Variants in PATL2 observed in about 807,000 individuals in gnomAD.
The protein encoded by PATL2 is PAT1 homolog 2.
Under a neutral mutation model 77.0 loss-of-function variants are expected in PATL2, and 73 were observed. That is an observed-to-expected ratio of 0.95 (90% CI 0.78 to 1.15). The LOEUF is 1.15. PATL2 is among the 50% of genes most tolerant of loss of function. PATL2 has a pLI of 0.00. For synonymous variants in PATL2, 265 were observed against 257.1 expected (o/e 1.03, Z -0.29); for missense variants, 618 against 655.4 (o/e 0.94, Z 0.62).
chr15:44,669,922 C>A lies in PATL2; in HGVS notation c.778+45G>T, dbSNP rs1321033603. On this transcript the variant is annotated intron_variant, in intron 10 of 17. Transcript: ENST00000682850. ...TTCCTTCCCCCTCCCACACTCTGTC[C>A]ACCCAGATGCCCAGCCCAAGTCAGC... The A allele has an allele frequency of 1.9e-6, 3 of 1,550,240 alleles. No homozygotes were observed. The African/African-American group carries it at 4.1e-5, about 21-fold the overall frequency.
At chr15:44,666,963 C>T in intron 16 of PATL2, 143 bp downstream of exon 16, 2 of 672,678 alleles carry the variant, frequency 3.0e-6, no homozygotes, top group Non-Finnish European at 2.5e-6. Context: ...AGAAAAAAAG[C>T]AGAACAGCTA....
chr15:44,694,394 AATG>A (rs2086459627), intron 3 of PATL2, among the ~76,000 whole-genome samples: 1 of 152,234 alleles, frequency 6.6e-6, no homozygotes, highest in Admixed American at 6.5e-5. Flanking sequence ...CAATAATAGT[AATG>A]ATGATAAGAA....
chr15:44,684,375 G>T (rs1331101927), intron 3 of PATL2, among the ~76,000 whole-genome samples: 1 of 151,536 alleles, frequency 6.6e-6, no homozygotes, highest in African/African-American at 2.4e-5. Context: ...TTGCTAACTA[G>T]AATAACTAGT....
intron 3 of PATL2, among the ~76,000 whole-genome samples, chr15:44,692,664 G>C (rs191888707): frequency 5.9e-5 from 9 of 152,376 alleles, no homozygotes; most frequent in African/African-American, 2.2e-4. Flanking sequence ...AGATGGATAG[G>C]TTGGGGCCAG....
Position 44,666,676 on chromosome 15 carries a change from G to A in PATL2, c.1464-135C>T, listed in dbSNP as rs2085388295. 8.9e-6 allele frequency: 8 copies of A among 901,218 alleles called. No individual in the cohort carries two copies. The South Asian group carries it at 1.5e-4, about 17-fold the overall frequency. The allele number at this position is 901,218 out of a possible 1,614,324, so 55.8% of individuals were successfully genotyped here. A position where few individuals can be genotyped will look rare whatever the true frequency, so the allele number is the denominator to read the frequency against. ...AGGTAGCAATTCAGAGGTAACATTT[G>A]CATGTTTGGTACGTGCCAAGCAATG... On this transcript the variant is annotated intron_variant, in intron 16 of 17. Coordinates refer to ENST00000682850, the MANE Select transcript of PATL2 (RefSeq NM_001387263.1).
At chr15:44,682,865 G>A (rs2086164675) in intron 3 of PATL2, among the ~76,000 whole-genome samples, 1 of 152,222 alleles carries the variant, frequency 6.6e-6, no homozygotes, top group Non-Finnish European at 1.5e-5. Flanking sequence ...GAAAGTGGGT[G>A]ATTTCTGCAT....
At chr15:44,668,904 T>C in intron 14 of PATL2, 76 bp downstream of exon 14, 3 of 1,426,548 alleles carry the variant, frequency 2.1e-6, no homozygotes, top group East Asian at 2.5e-5. Context: ...CTCTGGGGCA[T>C]GTGGGGACTG....
intron 3 of PATL2, among the ~76,000 whole-genome samples, chr15:44,706,168 C>T (rs370597266): frequency 1.3e-5 from 2 of 152,240 alleles, no homozygotes; most frequent in Admixed American, 6.5e-5. Context: ...GCCTCTGGTG[C>T]CTTATTCATT....
chr15:44,702,606 C>A (rs2086652760), intron 3 of PATL2, among the ~76,000 whole-genome samples: 1 of 151,402 alleles, frequency 6.6e-6, no homozygotes, highest in African/African-American at 2.4e-5. Flanking sequence ...TTCTGTTTTT[C>A]TTTTTTAATG....
At chr15:44,703,589 T>A (rs1166044625) in intron 3 of PATL2, among the ~76,000 whole-genome samples, 1 of 152,052 alleles carries the variant, frequency 6.6e-6, no homozygotes, top group Non-Finnish European at 1.5e-5. Context: ...TTTTGTCTGA[T>A]GTAAGCATAG....
intron 3 of PATL2, among the ~76,000 whole-genome samples, chr15:44,687,442 C>G (rs1034297286): frequency 5.9e-5 from 9 of 152,138 alleles, no homozygotes; most frequent in African/African-American, 2.2e-4. Context: ...AAACACACAG[C>G]CAATATCATA....
In PATL2 at chr15:44,668,966, C is replaced by T; in HGVS notation, c.1224+14G>A. 1 of 1,521,660 alleles carries T rather than the reference C, an allele frequency of 6.6e-7. No homozygotes were observed. The highest frequency in any genetic ancestry group is 8.9e-7 in the Non-Finnish European group (1 of 1,129,352). The allele number at this position is 1,521,660 out of a possible 1,614,324, so 94.3% of individuals were successfully genotyped here. A position where few individuals can be genotyped will look rare whatever the true frequency, so the allele number is the denominator to read the frequency against. ...TCAGGAGACCATCCTCTTCTCCACT[C>T]AATGCCACAGTACCTGATCAGCCAC... On this transcript the variant is annotated intron_variant, in intron 14 of 17. Coordinates refer to ENST00000682850, the MANE Select transcript of PATL2 (RefSeq NM_001387263.1).
At chr15:44,696,325 C>A (rs558790295) in intron 3 of PATL2, among the ~76,000 whole-genome samples, 45 of 152,302 alleles carry the variant, frequency 3.0e-4, no homozygotes, top group Non-Finnish European at 2.6e-4. Context: ...TTACCTAATC[C>A]ATTTCTGCAT....
At chr15:44,705,411 A>G (rs1027065852) in intron 3 of PATL2, among the ~76,000 whole-genome samples, 4 of 152,052 alleles carry the variant, frequency 2.6e-5, no homozygotes, top group African/African-American at 9.7e-5. Context: ...CGAACTCCTG[A>G]CCTCATGATC....
At chr15:44,680,915 A>G (rs1213721750) in intron 3 of PATL2, among the ~76,000 whole-genome samples, 5 of 152,184 alleles carry the variant, frequency 3.3e-5, no homozygotes, top group Non-Finnish European at 7.4e-5. Context: ...CCCTACCCTT[A>G]CTTCCACCTA....
intron 5 of PATL2, 86 bp from the exon 6 acceptor site, chr15:44,674,316 G>A (rs2085843024): frequency 2.0e-6 from 2 of 1,021,910 alleles, no homozygotes; most frequent in African/African-American, 1.6e-5. Flanking sequence ...GTGGTGGGAG[G>A]AAGCAGCAAG....
chr15:44,689,598 A>ATGGTTTTCTGTTCTGTTT (rs558309028), intron 3 of PATL2, among the ~76,000 whole-genome samples: 1,862 of 152,244 alleles, frequency 0.012, 51 homozygotes, highest in East Asian at 0.088. Context: ...ATTCTCAGCA[A>ATGGTTTTCTGTTCTGTTT]ACTAACACAA....
intron 3 of PATL2, chr15:44,697,500 C>A (rs1257918045): frequency 1.3e-5 from 2 of 152,126 alleles, no homozygotes; most frequent in Non-Finnish European, 2.9e-5. Context: ...CTTTTATAAA[C>A]AGAAAAAAGT....
Position 44,678,311 on chromosome 15 carries a change from G to T in PATL2, c.-75-1746C>A, listed in dbSNP as rs535952623. The stretch of plus-strand genomic sequence containing the variant: ...GAGACTAGATCTTAAGGAGAAACTT[G>T]TTGCATGAAGATTTTCATTCTGAAG... On this transcript the variant is annotated intron_variant, in intron 3 of 17. Coordinates refer to ENST00000682850, the MANE Select transcript of PATL2 (RefSeq NM_001387263.1). Among the ~76,000 whole-genome samples, 589 of 152,316 alleles carry T rather than the reference G, an allele frequency of 3.9e-3. 5 individuals carry two copies. Among genetic ancestry groups the T allele is most frequent in the African/African-American group, 0.014 (564 of 41,564 alleles).
Sources: gnomAD v4.1 joint callset for allele counts (sites outside exome capture counted in the v4.1 genomes callset) on GRCh38, gnomAD v4.1.1 for gene constraint, MANE v1.5 for transcripts, NCBI Gene and HGNC (gene_info 2026-07-23, HGNC 2026-07-21) for gene names.